Variants in ASIC2 observed in about 807,000 individuals in gnomAD.
ASIC2 encodes acid-sensing ion channel 2.
Under a neutral mutation model 57.3 loss-of-function variants are expected in ASIC2, and 25 were observed. That is an observed-to-expected ratio of 0.44 (90% CI 0.32 to 0.61). The LOEUF (loss-of-function observed/expected upper bound fraction) is 0.61. Ranked by LOEUF, ASIC2 falls within the 20% of genes least tolerant of loss-of-function variation. The probability of loss-of-function intolerance (pLI) is 0.06; values close to 1 mark genes in which losing one functional copy is unlikely to be tolerated. For missense variants in ASIC2, 641 were observed against 738.1 expected, an observed-to-expected ratio of 0.87 and a Z score of 1.52; for synonymous variants, 319 against 307.5, an observed-to-expected ratio of 1.04 and a Z score of -0.39.
At chr17:33,598,120 C>T (rs1905033722) in intron 1 of ASIC2, among the ~76,000 whole-genome samples, 2 of 152,212 alleles carry the variant, frequency 1.3e-5, no homozygotes, top group Non-Finnish European at 2.9e-5. Flanking sequence ...TTTCAATAGA[C>T]ACCTTCACAT....
chr17:33,189,486 T>C (rs1182238525), intron 1 of ASIC2, among the ~76,000 whole-genome samples: 2 of 152,158 alleles, frequency 1.3e-5, no homozygotes, highest in Non-Finnish European at 2.9e-5. Flanking sequence ...AATCACATTA[T>C]ATACAGTGGT....
chr17:33,763,800 C>T (rs923040691), intron 1 of ASIC2, among the ~76,000 whole-genome samples: 1 of 152,192 alleles, frequency 6.6e-6, no homozygotes, highest in Non-Finnish European at 1.5e-5. Context: ...CTGAGATTTT[C>T]TGGTTGCCTG....
intron 8 of ASIC2, among the ~76,000 whole-genome samples, chr17:33,017,133 C>A (rs951139497): frequency 4.6e-5 from 7 of 152,192 alleles, no homozygotes; most frequent in African/African-American, 7.2e-5. Flanking sequence ...CTGGGAAGTG[C>A]CCCTTCCCTA....
intron 1 of ASIC2, among the ~76,000 whole-genome samples, chr17:33,593,318 G>A (rs1352456801): frequency 6.6e-6 from 1 of 152,054 alleles, no homozygotes; most frequent in Admixed American, 6.5e-5. Flanking sequence ...CGAGATGCCT[G>A]TTCACTGCTG....
intron 1 of ASIC2, chr17:34,000,694 C>T (rs1906312295): frequency 6.6e-6 from 1 of 152,238 alleles, no homozygotes. Context: ...TTTGCTCCTT[C>T]AGGGACTCCT....
At chr17:33,804,732 C>A (rs911068989) in intron 1 of ASIC2, among the ~76,000 whole-genome samples, 2 of 152,178 alleles carry the variant, frequency 1.3e-5, no homozygotes, top group African/African-American at 4.8e-5. Context: ...GTTCCTCATT[C>A]TTCGATCTGT....
At chr17:33,075,260 A>G (rs2092084922) in intron 3 of ASIC2, among the ~76,000 whole-genome samples, 1 of 152,144 alleles carries the variant, frequency 6.6e-6, no homozygotes, top group African/African-American at 2.4e-5. Context: ...GCCGCCACGT[A>G]AGACATGCCT....
chr17:33,432,489 A>G (rs570524154), intron 1 of ASIC2, among the ~76,000 whole-genome samples: 93 of 152,298 alleles, frequency 6.1e-4, no homozygotes, highest in African/African-American at 1.9e-3. Flanking sequence ...TGATCCCTAC[A>G]CTGCCTTCCA....
intron 1 of ASIC2, among the ~76,000 whole-genome samples, chr17:34,008,801 C>G (rs1021159693): frequency 6.6e-6 from 1 of 152,208 alleles, no homozygotes; most frequent in Admixed American, 6.5e-5. Flanking sequence ...AAGGCTGCAG[C>G]TCCCCTAGCC....
At chr17:33,982,379 A>T (rs1323629611) in intron 1 of ASIC2, among the ~76,000 whole-genome samples, 2 of 152,182 alleles carry the variant, frequency 1.3e-5, no homozygotes, top group African/African-American at 4.8e-5. Flanking sequence ...TGGTTTCTTA[A>T]TGGGCCTGGG....
chr17:33,495,792 T>G (rs1378512625), intron 1 of ASIC2, among the ~76,000 whole-genome samples: 4 of 152,068 alleles, frequency 2.6e-5, no homozygotes, highest in African/African-American at 9.7e-5. Context: ...GCCAGGCCAG[T>G]GTAGAGAAAG....
intron 1 of ASIC2, among the ~76,000 whole-genome samples, chr17:33,819,625 G>T (rs1484152268): frequency 1.3e-5 from 2 of 152,156 alleles, no homozygotes; most frequent in Non-Finnish European, 2.9e-5. Context: ...TGCAGTTTGG[G>T]AAATTCTAAT....
At chr17:33,594,611 G>A (rs1415355512) in intron 1 of ASIC2, among the ~76,000 whole-genome samples, 1 of 151,650 alleles carries the variant, frequency 6.6e-6, no homozygotes, top group African/African-American at 2.4e-5. Context: ...GGCGGATCAC[G>A]AGATCAGAAG....
intron 1 of ASIC2, among the ~76,000 whole-genome samples, chr17:33,408,512 A>C (rs139247010): frequency 2.0e-5 from 3 of 152,392 alleles, no homozygotes; most frequent in Non-Finnish European, 2.9e-5. Flanking sequence ...ACTTAAAAAT[A>C]CAAGGCATAT....
intron 1 of ASIC2, among the ~76,000 whole-genome samples, chr17:33,798,509 C>T (rs897189127): frequency 6.6e-6 from 1 of 152,158 alleles, no homozygotes; most frequent in Non-Finnish European, 1.5e-5. Context: ...TGAGACTGTT[C>T]ATCCAATTAG....
intron 1 of ASIC2, among the ~76,000 whole-genome samples, chr17:33,921,660 G>A (rs1044476948): frequency 6.6e-6 from 1 of 152,126 alleles, no homozygotes; most frequent in Non-Finnish European, 1.5e-5. Flanking sequence ...AAACACTCCA[G>A]TATTTAAGGA....
chr17:33,060,546 C>G (rs939246413), intron 3 of ASIC2, among the ~76,000 whole-genome samples: 2 of 152,146 alleles, frequency 1.3e-5, no homozygotes, highest in Admixed American at 1.3e-4. Context: ...AAGTACCATG[C>G]TGTTTTGGTT....
At chr17:33,232,498 CGGTAT>C (rs144508108) in intron 1 of ASIC2, among the ~76,000 whole-genome samples, 5,399 of 141,604 alleles carry the variant, frequency 0.038, 185 homozygotes, top group East Asian at 0.11. Flanking sequence ...TGGTATGGTA[CGGTAT>C]GGTATGGTAT....
chr17:33,556,546 T>G (rs970893086), intron 1 of ASIC2, among the ~76,000 whole-genome samples: 5 of 152,206 alleles, frequency 3.3e-5, no homozygotes, highest in Non-Finnish European at 5.9e-5. Flanking sequence ...AGCACAGCTC[T>G]CTTCTAGGTG....
Sources: allele counts gnomAD v4.1 joint callset (sites outside exome capture counted in the v4.1 genomes callset), GRCh38; gene constraint gnomAD v4.1.1; transcripts MANE v1.5; gene names NCBI Gene and HGNC (gene_info 2026-07-23, HGNC 2026-07-21).